TXNRD2: variants seen among roughly 807,000 people sequenced by gnomAD.
TXNRD2 encodes thioredoxin reductase 2, also known as thioredoxin reductase 2, mitochondrial.
Under a neutral mutation model 70.8 loss-of-function variants are expected in TXNRD2, and 67 were observed. The observed-to-expected ratio is 0.95, with a 90% CI of 0.78 to 1.16. The LOEUF (loss-of-function observed/expected upper bound fraction) is 1.16. TXNRD2 is among the 50% of genes most tolerant of loss of function. TXNRD2 has a pLI of 0.00. For synonymous variants in TXNRD2, 301 were observed against 295.8 expected (o/e 1.02, Z -0.18); for missense variants, 644 against 719.9 (o/e 0.89, Z 1.21).
chr22:19,906,852 GA>G (rs1940041134), intron 8 of TXNRD2, among the ~76,000 whole-genome samples: 1 of 148,936 alleles, frequency 6.7e-6, no homozygotes, highest in Non-Finnish European at 1.5e-5. Flanking sequence ...ACTCTCAGGA[GA>G]GTGTGGGCGC....
chr22:19,923,983 T>TA (rs1310195550), intron 2 of TXNRD2, among the ~76,000 whole-genome samples: 1 of 151,522 alleles, frequency 6.6e-6, no homozygotes, highest in African/African-American at 2.4e-5. Context: ...TTTTTTAATT[T>TA]AAAAAAAGGC....
At chr22:19,927,135 A>G (rs1206638754) in intron 2 of TXNRD2, among the ~76,000 whole-genome samples, 2 of 151,896 alleles carry the variant, frequency 1.3e-5, no homozygotes, top group East Asian at 1.9e-4. Context: ...CTCTACTAAA[A>G]ATACAAAAAT....
intron 2 of TXNRD2, among the ~76,000 whole-genome samples, chr22:19,923,487 T>C (rs1207674739): frequency 2.0e-5 from 3 of 152,076 alleles, no homozygotes; most frequent in East Asian, 1.9e-4. Flanking sequence ...ACATCTGACT[T>C]ATAGAAGTTA....
chr22:19,876,307 G>T (rs760786212), intron 17 of TXNRD2: 2 of 152,404 alleles, frequency 1.3e-5, no homozygotes, highest in Non-Finnish European at 2.9e-5. Flanking sequence ...GACAGCCATG[G>T]GGGTGCCCCA....
chr22:19,892,598 G>C (rs149995126), intron 11 of TXNRD2, among the ~76,000 whole-genome samples: 10 of 152,256 alleles, frequency 6.6e-5, no homozygotes, highest in Non-Finnish European at 1.3e-4. Flanking sequence ...CCGGCTTTCC[G>C]GGGACACAGC....
rs759682735 is a variant in TXNRD2 at position 19,915,202 on chromosome 22, G to A, written c.591+12C>T. 6.2e-7 allele frequency: 1 copy of A among 1,613,124 alleles called. No homozygotes were observed. The highest frequency in any genetic ancestry group is 1.7e-5 in the Admixed American group (1 of 59,876). On this transcript the variant is annotated intron_variant, in intron 7 of 17. Transcript: ENST00000400521. The stretch of plus-strand genomic sequence containing the variant: ...CACGGCAGCAGGGACGCTATGCTCT[G>A]GGGACACTCACGTGCGTGGGGTATC...
intron 9 of TXNRD2, 72 bp from the exon 10 acceptor site, chr22:19,898,202 G>A (rs930759158): frequency 2.9e-6 from 4 of 1,399,062 alleles, no homozygotes; most frequent in Non-Finnish European, 3.9e-6. Flanking sequence ...CCAGGGCCCT[G>A]TGCCACAGCC....
chr22:19,883,242 G>T, intron 12 of TXNRD2, 83 bp downstream of exon 12: 1 of 1,547,058 alleles, frequency 6.5e-7, no homozygotes, highest in Non-Finnish European at 8.8e-7. Context: ...CTCTCCTACA[G>T]GACGGCAGCA....
At chr22:19,881,253 C>G (rs147779586) in intron 12 of TXNRD2, 3 of 396,688 alleles carry the variant, frequency 7.6e-6, no homozygotes, top group Non-Finnish European at 1.3e-5. Flanking sequence ...GTTCCAGCAC[C>G]GTCCTCTGGG....
At chr22:19,901,201 G>T (rs2145985738) in intron 8 of TXNRD2, among the ~76,000 whole-genome samples, 1 of 152,348 alleles carries the variant, frequency 6.6e-6, no homozygotes, top group Admixed American at 6.5e-5. Flanking sequence ...GCCTGGATTG[G>T]AGCGGGGGCA....
chr22:19,892,328 G>T (rs1404344573), intron 11 of TXNRD2, among the ~76,000 whole-genome samples: 15 of 152,264 alleles, frequency 9.9e-5, no homozygotes, highest in Admixed American at 9.2e-4. Context: ...CTGAGCAGCA[G>T]CGAAGTCAGC....
intron 8 of TXNRD2, among the ~76,000 whole-genome samples, chr22:19,906,608 C>A (rs79956748): frequency 0.035 from 5,284 of 152,184 alleles, 135 homozygotes; most frequent in South Asian, 0.087. Context: ...GGCGACAGAG[C>A]AAGACCCTGT....
chr22:19,884,936 G>C (rs1601392304), intron 11 of TXNRD2, among the ~76,000 whole-genome samples: 2 of 152,304 alleles, frequency 1.3e-5, no homozygotes, highest in African/African-American at 4.8e-5. Context: ...GCTGAGCTAA[G>C]GGGCAGTGTC....
In TXNRD2 at chr22:19,927,018, G is replaced by A. The variant is rs534808557; in HGVS notation, c.172+4012C>T. Among the ~76,000 whole-genome samples, 8 of 152,218 alleles carry A rather than the reference G, an allele frequency of 5.3e-5. No individual in the cohort carries two copies. The South Asian group carries it at 1.7e-3, about 32-fold the overall frequency. ...TCAATAAATATAATCCCTTGACCGG[G>A]CACAGTGGCTCCCACCTGTAATCCC... On this transcript the variant is annotated intron_variant, in intron 2 of 17. Coordinates refer to ENST00000400521, the MANE Select transcript of TXNRD2 (RefSeq NM_006440.5).
chr22:19,931,529 G>A (rs979805566), intron 1 of TXNRD2, among the ~76,000 whole-genome samples: 1 of 152,134 alleles, frequency 6.6e-6, no homozygotes, highest in African/African-American at 2.4e-5. Context: ...CTGGGACATA[G>A]ACCCGGAAGG....
At chr22:19,882,485 C>A (rs1269257598) in intron 12 of TXNRD2, among the ~76,000 whole-genome samples, 1 of 152,164 alleles carries the variant, frequency 6.6e-6, no homozygotes, top group African/African-American at 2.4e-5. Flanking sequence ...AAGCATGAGA[C>A]ACTGCACCCA....
chr22:19,921,806 C>G (rs899592160), intron 2 of TXNRD2, among the ~76,000 whole-genome samples: 1 of 152,142 alleles, frequency 6.6e-6, no homozygotes, highest in African/African-American at 2.4e-5. Flanking sequence ...CCAGACAGAA[C>G]CACCTGGAAG....
rs550803593 is a variant in TXNRD2 at position 19,895,555 on chromosome 22, G to A, written c.801C>T (p.His267=). The A allele has an allele frequency of 4.7e-5, 76 of 1,612,856 alleles. 3 individuals are homozygous for A. The South Asian group carries it at 7.9e-4, about 17-fold the overall frequency. Residue 267 remains histidine, a synonymous_variant, in exon 11 of 18, where the codon CAC becomes CAT. Transcript: ENST00000400521. The part of the protein sequence containing the change: ...DQQMSSMVIE[H]MASHGTRFLR... ...GGAACCGGGTGCCATGAGATGCCAT[G>A]TGCTCTATGACCATGGAGGACATTT...
At chr22:19,906,237 CTG>C (rs1238310243) in intron 8 of TXNRD2, among the ~76,000 whole-genome samples, 1 of 152,184 alleles carries the variant, frequency 6.6e-6, no homozygotes, top group African/African-American at 2.4e-5. Flanking sequence ...TCAAATGAGG[CTG>C]TGACACGAGG....
Sources: allele counts gnomAD v4.1 joint callset (sites outside exome capture counted in the v4.1 genomes callset), GRCh38; gene constraint gnomAD v4.1.1; transcripts MANE v1.5; gene names NCBI Gene and HGNC (gene_info 2026-07-23, HGNC 2026-07-21).